Variants in SH3RF3 observed in about 807,000 individuals in gnomAD.
SH3RF3 encodes the protein E3 ubiquitin-protein ligase SH3RF3.
SH3RF3 carries 29 observed loss-of-function variants against 66.3 expected under a neutral mutation model. The observed-to-expected ratio is 0.44, with a 90% confidence interval of 0.33 to 0.60. The LOEUF is 0.60. SH3RF3 is among the 20% of genes least tolerant of loss of function. The probability of loss-of-function intolerance (pLI) is 0.04; values close to 1 mark genes in which losing one functional copy is unlikely to be tolerated. For synonymous variants in SH3RF3, 583 were observed against 532.0 expected (o/e 1.10, Z -1.32); for missense variants, 1,194 against 1,190.9 (o/e 1.00, Z -0.04).
At chr2:109,198,238 G>T (rs918605049) in intron 1 of SH3RF3, among the ~76,000 whole-genome samples, 2 of 152,180 alleles carry the variant, frequency 1.3e-5, no homozygotes, top group Admixed American at 6.5e-5. Flanking sequence ...AAACCAGCCA[G>T]CCAGCCTGTG....
At chr2:109,322,886 G>T (rs1682059516) in intron 1 of SH3RF3, among the ~76,000 whole-genome samples, 1 of 152,210 alleles carries the variant, frequency 6.6e-6, no homozygotes, top group African/African-American at 2.4e-5. Flanking sequence ...CACAAACCTT[G>T]TAATGTTAAG....
chr2:109,442,416 GA>G (rs1433657567), intron 7 of SH3RF3, among the ~76,000 whole-genome samples: 3 of 151,864 alleles, frequency 2.0e-5, no homozygotes, highest in African/African-American at 7.3e-5. Flanking sequence ...CTATACAAAG[GA>G]ATGAAAAGCA....
At chr2:109,226,772 T>C (rs544559262) in intron 1 of SH3RF3, among the ~76,000 whole-genome samples, 1 of 152,276 alleles carries the variant, frequency 6.6e-6, no homozygotes, top group Admixed American at 6.5e-5. Flanking sequence ...TAGACATGCT[T>C]TGTGCCATTA....
chr2:109,415,699 A>G (rs1181861313), intron 4 of SH3RF3, among the ~76,000 whole-genome samples: 1 of 152,120 alleles, frequency 6.6e-6, no homozygotes, highest in Non-Finnish European at 1.5e-5. Context: ...GCCTGTCCTC[A>G]TCCCGTGGGG....
At chr2:109,261,609 G>C (rs1053155855) in intron 1 of SH3RF3, among the ~76,000 whole-genome samples, 3 of 152,212 alleles carry the variant, frequency 2.0e-5, no homozygotes, top group African/African-American at 7.2e-5. Context: ...GCATGGGGCT[G>C]CAGGTGGTGT....
At chr2:109,424,616 A>T (rs892734598) in intron 5 of SH3RF3, among the ~76,000 whole-genome samples, 9 of 152,224 alleles carry the variant, frequency 5.9e-5, no homozygotes, top group Non-Finnish European at 1.0e-4. Flanking sequence ...CTTTTTCATT[A>T]TATCTTTATG....
chr2:109,372,664 C>T (rs891160633), intron 3 of SH3RF3, among the ~76,000 whole-genome samples: 2 of 152,214 alleles, frequency 1.3e-5, no homozygotes, highest in African/African-American at 2.4e-5. Flanking sequence ...GGTTTCAGCG[C>T]GGGCCTCTTG....
chr2:109,459,076 C>T (rs1678143946), intron 8 of SH3RF3, among the ~76,000 whole-genome samples: 1 of 152,052 alleles, frequency 6.6e-6, no homozygotes, highest in South Asian at 2.1e-4. Context: ...GCGCCCTTCC[C>T]AGAAGAGGAT....
At chr2:109,260,394 G>A (rs760533410) in intron 1 of SH3RF3, among the ~76,000 whole-genome samples, 1 of 152,232 alleles carries the variant, frequency 6.6e-6, no homozygotes, top group Admixed American at 6.5e-5. Flanking sequence ...AACCACCAAA[G>A]CAGGAGAGCA....
At chr2:109,331,588 G>A (rs766898036) in intron 1 of SH3RF3, among the ~76,000 whole-genome samples, 1 of 152,062 alleles carries the variant, frequency 6.6e-6, no homozygotes, top group Admixed American at 6.5e-5. Flanking sequence ...GAGTACTTAC[G>A]GTCTTCACTA....
intron 1 of SH3RF3, among the ~76,000 whole-genome samples, chr2:109,213,442 C>T (rs1028673672): frequency 8.5e-5 from 13 of 152,200 alleles, no homozygotes; most frequent in Non-Finnish European, 1.6e-4. Context: ...CAGAAGCATC[C>T]AGGACACTTC....
At chr2:109,437,894 T>G (rs1301752052) in intron 7 of SH3RF3, among the ~76,000 whole-genome samples, 4 of 152,156 alleles carry the variant, frequency 2.6e-5, no homozygotes, top group Non-Finnish European at 4.4e-5. Flanking sequence ...CCACGGCGTC[T>G]TCCACCACGG....
chr2:109,196,745 C>T (rs887625739), intron 1 of SH3RF3, among the ~76,000 whole-genome samples: 4 of 152,164 alleles, frequency 2.6e-5, no homozygotes, highest in African/African-American at 9.7e-5. Flanking sequence ...CACCACATGC[C>T]CCGTGGCCTT....
At chr2:109,210,801 A>T (rs1678957433) in intron 1 of SH3RF3, among the ~76,000 whole-genome samples, 1 of 152,206 alleles carries the variant, frequency 6.6e-6, no homozygotes, top group African/African-American at 2.4e-5. Context: ...CCTATTTCTA[A>T]AGCATGAGTC....
At chr2:109,249,596 T>TC (rs1680032527) in intron 1 of SH3RF3, among the ~76,000 whole-genome samples, 1 of 145,244 alleles carries the variant, frequency 6.9e-6, no homozygotes, top group African/African-American at 2.6e-5. Flanking sequence ...TTCCTTTCTT[T>TC]CTTTTTCTTT....
chr2:109,303,786 TG>T (rs1483544461), intron 1 of SH3RF3, among the ~76,000 whole-genome samples: 1 of 152,246 alleles, frequency 6.6e-6, no homozygotes, highest in Non-Finnish European at 1.5e-5. Flanking sequence ...TCGATGAGTC[TG>T]GGGGTGAGTC....
At chr2:109,333,006 T>C (rs1420929936) in intron 1 of SH3RF3, among the ~76,000 whole-genome samples, 1 of 152,226 alleles carries the variant, frequency 6.6e-6, no homozygotes, top group East Asian at 1.9e-4. Flanking sequence ...TGCTGGGTCA[T>C]GTATTCGTCT....
At chr2:109,464,308 A>C (rs1233063729) in intron 8 of SH3RF3, among the ~76,000 whole-genome samples, 1 of 152,234 alleles carries the variant, frequency 6.6e-6, no homozygotes, top group African/African-American at 2.4e-5. Context: ...ACACATGTAC[A>C]ACATGAACTC....
intron 1 of SH3RF3, among the ~76,000 whole-genome samples, chr2:109,211,447 G>A (rs1678973372): frequency 6.6e-6 from 1 of 152,240 alleles, no homozygotes; most frequent in Non-Finnish European, 1.5e-5. Flanking sequence ...AGCGGAAGGA[G>A]TAGGGGCCGT....
Sources: allele counts gnomAD v4.1 joint callset (sites outside exome capture counted in the v4.1 genomes callset), GRCh38; gene constraint gnomAD v4.1.1; transcripts MANE v1.5; gene names NCBI Gene and HGNC (gene_info 2026-07-23, HGNC 2026-07-21).